The following PRUNE2 variants were observed in gnomAD, a reference collection of about 807,000 sequenced individuals.
PRUNE2 encodes the protein protein prune homolog 2.
PRUNE2 carries 164 observed loss-of-function variants against 252.0 expected under a neutral mutation model. The ratio of observed to expected loss-of-function variants is 0.65; its 90% CI spans 0.57 to 0.74. PRUNE2 has a LOEUF of 0.74. Among genes scored for constraint, PRUNE2 ranks in the 30% least tolerant of loss-of-function variants. The pLI is 0.00. For missense variants in PRUNE2, 3,495 were observed against 3,711.0 expected (o/e 0.94, Z 1.51); for synonymous variants, 1,292 against 1,350.2 (o/e 0.96, Z 0.94).
intron 6 of PRUNE2, among the ~76,000 whole-genome samples, chr9:76,734,799 T>C (rs759868731): frequency 1.3e-5 from 2 of 152,172 alleles, no homozygotes; most frequent in Non-Finnish European, 2.9e-5. Context: ...GCCACGGTGA[T>C]GGTTTCAGGA....
At chr9:76,647,926 C>T (rs954548877) in intron 11 of PRUNE2, among the ~76,000 whole-genome samples, 4 of 152,128 alleles carry the variant, frequency 2.6e-5, no homozygotes, top group African/African-American at 9.7e-5. Flanking sequence ...TGCGTCACTG[C>T]ACTCCAGCCT....
intron 6 of PRUNE2, chr9:76,739,532 A>G (rs1375700908): frequency 6.6e-6 from 1 of 152,022 alleles, no homozygotes; most frequent in Non-Finnish European, 1.5e-5. Context: ...ATAGTTTGTT[A>G]CTGAATTTTT....
intron 6 of PRUNE2, among the ~76,000 whole-genome samples, chr9:76,732,779 C>A (rs2048742596): frequency 6.6e-6 from 1 of 152,160 alleles, no homozygotes; most frequent in Non-Finnish European, 1.5e-5. Context: ...AGAAGTAGAC[C>A]TCCAGCAGCC....
chr9:76,693,579 GA>G (rs1466237501), intron 9 of PRUNE2, among the ~76,000 whole-genome samples: 4 of 151,824 alleles, frequency 2.6e-5, no homozygotes, highest in Admixed American at 6.6e-5. Flanking sequence ...GAGTAGCTGG[GA>G]CCACAGGCGT....
chr9:76,703,457 T>C lies in PRUNE2; in HGVS notation c.8156A>G (p.His2719Arg), dbSNP rs1430739953. ...PDAVTLQAVT[H>R]DNEWEMLSPQ... ...TGAAAGCATTTCCCATTCATTGTCA[T>C]GGGTGACAGCCTGCAACGTAACTGC... Residue 2719 changes from histidine to arginine, a missense_variant, in exon 9 of 19, where the codon CAT (histidine) becomes CGT (arginine). His to Arg is a conservative substitution (Grantham distance 29, BLOSUM62 0). Transcript: ENST00000376718. The C allele has an allele frequency of 1.3e-6, 2 of 1,542,556 alleles. No homozygotes were observed. Among genetic ancestry groups the C allele is most frequent in the Admixed American group, 1.9e-5 (1 of 52,052 alleles).
At chr9:76,658,741 T>C (rs1390502117) in intron 9 of PRUNE2, among the ~76,000 whole-genome samples, 1 of 152,236 alleles carries the variant, frequency 6.6e-6, no homozygotes, top group Non-Finnish European at 1.5e-5. Context: ...CAGGCTGTAC[T>C]ATGGCTGAAA....
intron 6 of PRUNE2, among the ~76,000 whole-genome samples, chr9:76,758,204 A>G (rs1330286278): frequency 1.3e-5 from 2 of 152,218 alleles, no homozygotes; most frequent in African/African-American, 4.8e-5. Context: ...TATATCTGAC[A>G]GTATTAACGC....
rs147285377 is a variant in PRUNE2, at chr9:76,658,465, A to T, written c.8277-2963T>A. 1.8e-3 allele frequency among the ~76,000 whole-genome samples: 281 copies of T among 152,352 alleles called. 1 individual carries two copies. The highest frequency in any genetic ancestry group is 6.2e-3 in the African/African-American group (259 of 41,582). ...AGCAAATCTAAGAGAAACCCAAGTC[A>T]CGCTCTTTGTAAATACTTCAACCAC... is the stretch of plus-strand genomic sequence containing the variant. On this transcript the variant is annotated intron_variant, in intron 9 of 18. Transcript: ENST00000376718.
At chr9:76,897,467 G>A (rs1794631933) in intron 1 of PRUNE2, among the ~76,000 whole-genome samples, 1 of 130,100 alleles carries the variant, frequency 7.7e-6, no homozygotes, top group African/African-American at 2.9e-5. Context: ...TGGAAGGAGT[G>A]CAGAGGCATG....
At chr9:76,859,760 G>A (rs551743911) in intron 1 of PRUNE2, among the ~76,000 whole-genome samples, 3 of 152,184 alleles carry the variant, frequency 2.0e-5, no homozygotes, top group African/African-American at 7.2e-5. Flanking sequence ...CTAGGCTGGA[G>A]TGCAATGGCA....
At chr9:76,770,969 C>A (rs184174846) in intron 6 of PRUNE2, among the ~76,000 whole-genome samples, 1 of 152,112 alleles carries the variant, frequency 6.6e-6, no homozygotes, top group Non-Finnish European at 1.5e-5. Flanking sequence ...TAATAACTAA[C>A]TAGAGACACT....
intron 6 of PRUNE2, among the ~76,000 whole-genome samples, chr9:76,750,335 G>A (rs2050504827): frequency 6.6e-6 from 1 of 152,116 alleles, no homozygotes; most frequent in Admixed American, 6.5e-5. Flanking sequence ...GCAGTCTTGT[G>A]AGACCAAGCC....
At chr9:76,855,082 A>AAAAAAAAAAAATATAT (rs1490285240) in intron 1 of PRUNE2, among the ~76,000 whole-genome samples, 5 of 109,436 alleles carry the variant, frequency 4.6e-5, no homozygotes, top group African/African-American at 1.9e-4. Context: ...AAAAAAAAAA[A>AAAAAAAAAAAATATAT]ATATATATAT....
At chr9:76,806,511 T>C (rs1220838928) in intron 6 of PRUNE2, among the ~76,000 whole-genome samples, 1 of 148,398 alleles carries the variant, frequency 6.7e-6, no homozygotes, top group African/African-American at 2.5e-5. Flanking sequence ...CACCATTCTT[T>C]TTTTTTTTTT....
chr9:76,648,050 A>G (rs1377195310), intron 11 of PRUNE2, among the ~76,000 whole-genome samples: 1 of 152,192 alleles, frequency 6.6e-6, no homozygotes, highest in Non-Finnish European at 1.5e-5. Flanking sequence ...TATACAGGTG[A>G]CAGGTAAGCA....
Position 76,709,170 on chromosome 9 carries a change from G to A in PRUNE2, c.3104C>T (p.Ser1035Leu), listed in dbSNP as rs1588734954. ...SGPGNLDMWA[S>L]PHTDNSSEIN... ...TTCAGAACTGTTATCTGTATGAGGT[G>A]AAGCCCACATGTCTAGGTTCCCAGG... is the stretch of plus-strand genomic sequence containing the variant. The change falls in exon 8 of 19, where the codon TCA becomes TTA. Residue 1035 changes from serine to leucine, a missense_variant. Ser to Leu is a moderately radical substitution (Grantham distance 145). Transcript: ENST00000376718. 1 of 1,613,958 alleles carries A rather than the reference G, an allele frequency of 6.2e-7. No homozygotes were observed. The highest frequency in any genetic ancestry group is 1.7e-5 in the Admixed American group (1 of 60,016).
rs1057379838 is a variant in PRUNE2, at chr9:76,707,573, C to A, written c.4701G>T (p.Gly1567=). ...AGTTGCCTTGGTTTTCTTCTTGATA[C>A]CCAGAACTGGGTTGCTGGCCCCAGG... The part of the protein sequence containing the change: ...LSSWGQQPSS[G]YQEENQGNWS... The change falls in exon 8 of 19, where the codon GGG becomes GGT. Residue 1567 remains glycine (G), a synonymous_variant. Coordinates refer to ENST00000376718, the MANE Select transcript of PRUNE2 (RefSeq NM_015225.3). 6 of 1,613,782 alleles carry A rather than the reference C, an allele frequency of 3.7e-6. No individual in the cohort carries two copies. The South Asian group carries it at 6.6e-5, about 18-fold the overall frequency.
chr9:76,644,242 T>C (rs977073437), intron 12 of PRUNE2, among the ~76,000 whole-genome samples: 2 of 152,266 alleles, frequency 1.3e-5, no homozygotes, highest in South Asian at 4.1e-4. Flanking sequence ...TGTAGTTTAC[T>C]AGTTTACAGA....
At chr9:76,690,448 C>A (rs111567416) in intron 9 of PRUNE2, among the ~76,000 whole-genome samples, 1,789 of 152,264 alleles carry the variant, frequency 0.012, 28 homozygotes, top group African/African-American at 0.04. Flanking sequence ...ATATCAGGTA[C>A]CTGAACCTAT....
Sources: allele counts gnomAD v4.1 joint callset (sites outside exome capture counted in the v4.1 genomes callset), GRCh38; gene constraint gnomAD v4.1.1; transcripts MANE v1.5; gene names NCBI Gene and HGNC (gene_info 2026-07-23, HGNC 2026-07-21).